ENTPD1: variants seen among roughly 807,000 people sequenced by gnomAD.
The protein encoded by ENTPD1 is ectonucleoside triphosphate diphosphohydrolase 1, also known as ATP diphosphohydrolase.
Under a neutral mutation model 57.0 loss-of-function variants are expected in ENTPD1, and 33 were observed. The observed-to-expected ratio is 0.58, with a 90% CI of 0.44 to 0.77. The LOEUF (loss-of-function observed/expected upper bound fraction) is 0.77. ENTPD1 is among the 30% of genes least tolerant of loss of function. The pLI, the probability that ENTPD1 is intolerant of heterozygous loss-of-function variation, is 0.00. For missense variants in ENTPD1, 501 were observed against 603.4 expected, an observed-to-expected ratio of 0.83 and a Z score of 1.78; for synonymous variants, 202 against 218.8, an observed-to-expected ratio of 0.92 and a Z score of 0.68.
In ENTPD1 at chr10:95,876,078, T is replaced by G. The variant is rs561749569; in HGVS notation, c.*9695T>G. 27 of 985,284 alleles carry G rather than the reference T, an allele frequency of 2.7e-5. No individual in the cohort carries two copies. The South Asian group carries it at 2.8e-4, about 10-fold the overall frequency. The allele number at this position is 985,284 out of a possible 1,614,324, so 61.0% of individuals were successfully genotyped here. A position where few individuals can be genotyped will look rare whatever the true frequency, so the allele number is the denominator to read the frequency against. The stretch of plus-strand genomic sequence containing the variant: ...ATAAGGAAATTATTTTTACAAGGTT[T>G]GAAACCTGAAATGCAGTCTATTATC... On this transcript the variant is annotated 3_prime_UTR_variant, in exon 10 of 10. Transcript: ENST00000371205.
chr10:95,751,922 A>C (rs1217794356), upstream of ENTPD1, among the ~76,000 whole-genome samples: 1 of 152,154 alleles, frequency 6.6e-6, no homozygotes, highest in Non-Finnish European at 1.5e-5. Context: ...CCTAGGTAGA[A>C]TAAGTGAAGT....
intron 1 of ENTPD1, among the ~76,000 whole-genome samples, chr10:95,811,146 G>A (rs1458011575): frequency 6.6e-6 from 1 of 152,186 alleles, no homozygotes; most frequent in African/African-American, 2.4e-5. Flanking sequence ...AGGGGCAGAG[G>A]GAGAGATGTC....
chr10:95,725,014 T>C (rs536446935), intron 1 of ENTPD1, among the ~76,000 whole-genome samples: 1 of 152,354 alleles, frequency 6.6e-6, no homozygotes, highest in South Asian at 2.1e-4. Context: ...CCCATAGATC[T>C]CTGAGGCTCT....
chr10:95,794,061 T>C (rs1488180248), intron 1 of ENTPD1, among the ~76,000 whole-genome samples: 1 of 152,254 alleles, frequency 6.6e-6, no homozygotes, highest in African/African-American at 2.4e-5. Flanking sequence ...TACAGTATTT[T>C]GTTTCATTTT....
At chr10:95,841,760 A>C (rs1248775718) in intron 3 of ENTPD1, among the ~76,000 whole-genome samples, 1 of 152,170 alleles carries the variant, frequency 6.6e-6, no homozygotes, top group African/African-American at 2.4e-5. Context: ...TTGCTCTAAA[A>C]CTGGAAAAAC....
chr10:95,723,413 C>G (rs898125088), intron 1 of ENTPD1, among the ~76,000 whole-genome samples: 4 of 152,012 alleles, frequency 2.6e-5, no homozygotes, highest in African/African-American at 9.7e-5. Flanking sequence ...CTGCCCATGT[C>G]TAGAGCTGTA....
At chr10:95,783,104 G>A (rs1208334254) in intron 1 of ENTPD1, among the ~76,000 whole-genome samples, 1 of 152,126 alleles carries the variant, frequency 6.6e-6, no homozygotes, top group East Asian at 1.9e-4. Context: ...AAAAAAGAGA[G>A]TGGACAAAAA....
Position 95,876,120 on chromosome 10 carries a change from A to T in ENTPD1, c.*9737A>T, listed in dbSNP as rs548213773. ...TCTATTATCATACATAACTAAAAATAGAGCCTCAATAAACAGATTCCCAGT... is the reference window on the plus strand; with the variant it reads ...TCTATTATCATACATAACTAAAAATTGAGCCTCAATAAACAGATTCCCAGT... On this transcript the variant is annotated 3_prime_UTR_variant, in exon 10 of 10. Transcript: ENST00000371205. 7.7e-5 allele frequency: 76 copies of T among 985,464 alleles called. No homozygotes were observed. The highest frequency in any genetic ancestry group is 1.0e-3 in the Middle Eastern group (2 of 1,914). 61.0% of individuals were successfully genotyped at this position (985,464 alleles called of 1,614,324 possible). A position where few individuals can be genotyped will look rare whatever the true frequency, so the allele number is the denominator to read the frequency against.
At chr10:95,818,116 G>A (rs550171459) in intron 1 of ENTPD1, among the ~76,000 whole-genome samples, 1 of 152,244 alleles carries the variant, frequency 6.6e-6, no homozygotes, top group South Asian at 2.1e-4. Flanking sequence ...TGATTTTGAA[G>A]GAGACAAAAA....
intron 7 of ENTPD1, among the ~76,000 whole-genome samples, chr10:95,849,943 A>T (rs2098442063): frequency 6.6e-6 from 1 of 152,216 alleles, no homozygotes; most frequent in Non-Finnish European, 1.5e-5. Context: ...AAAGTCAATG[A>T]ACATACCCTT....
At chr10:95,773,152 C>A (rs1400902358) in intron 1 of ENTPD1, among the ~76,000 whole-genome samples, 4 of 152,112 alleles carry the variant, frequency 2.6e-5, no homozygotes, top group Non-Finnish European at 4.4e-5. Flanking sequence ...CACTCACCCC[C>A]AAAGAAGGTC....
In ENTPD1 at chr10:95,866,274, C is replaced by G; in HGVS notation, c.1424C>G (p.Ser475Cys). 6.2e-7 allele frequency: 1 copy of G among 1,614,214 alleles called. No individual in the cohort carries two copies. Among genetic ancestry groups the G allele is most frequent in the Non-Finnish European group, 8.5e-7 (1 of 1,180,036 alleles). ...CCATTGTCCACACCTCTCTCCCACT[C>G]CACCTATGTCTTCCTCATGGTTCTA... ...EQPLSTPLSH[S>C]TYVFLMVLFS... is the part of the protein sequence containing the mutation. The change falls in exon 10 of 10, where the codon TCC (serine) becomes TGC (cysteine). Residue 475 changes from serine (S) to cysteine (C), a missense_variant. Coordinates refer to ENST00000371205, the MANE Select transcript of ENTPD1 (RefSeq NM_001776.6).
At chr10:95,790,633 C>T (rs957851696) in intron 1 of ENTPD1, among the ~76,000 whole-genome samples, 3 of 152,128 alleles carry the variant, frequency 2.0e-5, no homozygotes, top group African/African-American at 7.2e-5. Flanking sequence ...TCACTTTCCT[C>T]CCAACCATAC....
At chr10:95,698,962 C>T in the ENTPD1 span, among the ~76,000 whole-genome samples, 4 of 152,040 alleles carry the variant, frequency 2.6e-5, no homozygotes, top group African/African-American at 9.7e-5. Context: ...AAAAGATCTA[C>T]ATTTGAAAAA....
chr10:95,872,625 G>A lies in ENTPD1; in HGVS notation c.*6242G>A, dbSNP rs74362174. ...CAGTGTCTGGGTGAAGCTTCCTGGTGAAAAATATGTTACCTATTTCTTTCT... is the reference window on the plus strand; with the variant it reads ...CAGTGTCTGGGTGAAGCTTCCTGGTAAAAAATATGTTACCTATTTCTTTCT... On this transcript the variant is annotated 3_prime_UTR_variant, in exon 10 of 10. Transcript: ENST00000371205. 7,945 of 985,316 alleles carry A rather than the reference G, an allele frequency of 8.1e-3. 58 individuals carry two copies. Among genetic ancestry groups the A allele is most frequent in the Middle Eastern group, 0.024 (46 of 1,914 alleles). The allele number at this position is 985,316 out of a possible 1,614,324, so 61.0% of individuals were successfully genotyped here.
upstream of ENTPD1, among the ~76,000 whole-genome samples, chr10:95,708,160 A>T (rs1402299448): frequency 6.6e-6 from 1 of 151,888 alleles, no homozygotes; most frequent in Admixed American, 6.6e-5. Flanking sequence ...TTATATGCAT[A>T]TGCCCCTTTA....
chr10:95,865,767 G>A (rs1465820499), intron 9 of ENTPD1, among the ~76,000 whole-genome samples: 1 of 152,078 alleles, frequency 6.6e-6, no homozygotes. Flanking sequence ...GTATGTGTGT[G>A]TATATACTTT....
chr10:95,872,015 C>G lies in ENTPD1; in HGVS notation c.*5632C>G, dbSNP rs1040435792. 5.1e-6 allele frequency: 5 copies of G among 985,314 alleles called. No individual in the cohort carries two copies. The highest frequency in any genetic ancestry group is 6.0e-6 in the Non-Finnish European group (5 of 829,942). The allele number at this position is 985,314 out of a possible 1,614,324, so 61.0% of individuals were successfully genotyped here. ...CCTGTGTTTTACATGATTAATGCCA[C>G]CCCTGCCTCAATGAACCAAGATCAG... On this transcript the variant is annotated 3_prime_UTR_variant, in exon 10 of 10. Transcript: ENST00000371205.
At chr10:95,838,989 T>C (rs2098416949) in intron 2 of ENTPD1, among the ~76,000 whole-genome samples, 1 of 152,214 alleles carries the variant, frequency 6.6e-6, no homozygotes, top group Admixed American at 6.5e-5. Flanking sequence ...AGTACATATA[T>C]TGTAAAATAT....
Sources: allele counts gnomAD v4.1 joint callset (sites outside exome capture counted in the v4.1 genomes callset), GRCh38; gene constraint gnomAD v4.1.1; transcripts MANE v1.5; gene names NCBI Gene and HGNC (gene_info 2026-07-23, HGNC 2026-07-21).